The following GRM3 variants were observed in gnomAD, a reference collection of about 807,000 sequenced individuals.
The protein encoded by GRM3 is metabotropic glutamate receptor 3.
In GRM3, 26 loss-of-function variants were observed where a neutral mutation model predicts 70.5. That is an observed-to-expected ratio of 0.37 (90% CI 0.27 to 0.51). GRM3 has a LOEUF of 0.51. GRM3 is among the 20% of genes least tolerant of loss of function. The probability of loss-of-function intolerance (pLI) is 0.93; values close to 1 mark genes in which losing one functional copy is unlikely to be tolerated. For synonymous variants in GRM3, 443 were observed against 434.9 expected (o/e 1.02, Z -0.23); for missense variants, 859 against 1,123.8 (o/e 0.76, Z 3.37).
chr7:86,768,853 C>A (rs558929768), intron 2 of GRM3, among the ~76,000 whole-genome samples: 2 of 152,096 alleles, frequency 1.3e-5, no homozygotes, highest in Non-Finnish European at 2.9e-5. Context: ...TACACTGACC[C>A]CCATGCCCCC....
chr7:86,645,687 G>C lies in GRM3; in HGVS notation c.-141+815G>C, dbSNP rs182195311. Among the ~76,000 whole-genome samples, 287 of 151,984 alleles carry C rather than the reference G, an allele frequency of 1.9e-3. 3 individuals are homozygous for C. Among genetic ancestry groups the C allele is most frequent in the Non-Finnish European group, 3.4e-3 (233 of 67,964 alleles). ...ACTTTTAGGTAAATATATTAAGGAA[G>C]GATTCTCCCACTTTAAGTATTTTAG... On this transcript the variant is annotated intron_variant, in intron 1 of 5. Transcript: ENST00000361669.
intron 1 of GRM3, among the ~76,000 whole-genome samples, chr7:86,739,457 C>A (rs1201998210): frequency 6.6e-6 from 1 of 152,142 alleles, no homozygotes; most frequent in Non-Finnish European, 1.5e-5. Context: ...TCTTTCTGTG[C>A]CTGATTGATA....
intron 2 of GRM3, among the ~76,000 whole-genome samples, chr7:86,773,034 G>A (rs1238884479): frequency 6.6e-6 from 1 of 151,866 alleles, no homozygotes; most frequent in Non-Finnish European, 1.5e-5. Context: ...GGCCAAATAT[G>A]TAGGTTTGTT....
chr7:86,691,962 G>T (rs1349154280), intron 1 of GRM3, among the ~76,000 whole-genome samples: 2 of 152,140 alleles, frequency 1.3e-5, no homozygotes, highest in Non-Finnish European at 2.9e-5. Flanking sequence ...CAATAAAACT[G>T]TAATCTTCAG....
At chr7:86,779,283 C>T (rs967600842) in intron 2 of GRM3, among the ~76,000 whole-genome samples, 1 of 152,124 alleles carries the variant, frequency 6.6e-6, no homozygotes, top group Admixed American at 6.5e-5. Flanking sequence ...TGTGTCATCT[C>T]GTTTTAATAA....
rs540657052 is a variant in GRM3 at position 86,764,938 on chromosome 7, G to A, written c.-140-68G>A. 20 of 1,126,276 alleles carry A rather than the reference G, an allele frequency of 1.8e-5. No individual in the cohort carries two copies. The East Asian group carries it at 5.2e-4, about 29-fold the overall frequency. 69.8% of individuals were successfully genotyped at this position (1,126,276 alleles called of 1,614,324 possible). On this transcript the variant is annotated intron_variant, in intron 1 of 5. Transcript: ENST00000361669. ...GAGTCATCCCATTAAAGGTCTGATT[G>A]GGCATGATCGATGTAATCACTGTTG...
chr7:86,832,449 C>T (rs987742496), intron 3 of GRM3, among the ~76,000 whole-genome samples: 1 of 151,948 alleles, frequency 6.6e-6, no homozygotes, highest in African/African-American at 2.4e-5. Flanking sequence ...AGGGGCTTCA[C>T]CATTTTGTCC....
intron 1 of GRM3, among the ~76,000 whole-genome samples, chr7:86,702,599 A>G (rs1026987790): frequency 1.3e-5 from 2 of 152,008 alleles, no homozygotes; most frequent in Admixed American, 6.6e-5. Flanking sequence ...TCCAATTATG[A>G]TTCCATCATT....
intron 3 of GRM3, among the ~76,000 whole-genome samples, chr7:86,795,399 C>T (rs538605142): frequency 6.6e-5 from 10 of 151,900 alleles, no homozygotes; most frequent in South Asian, 2.1e-4. Context: ...CACCTATCAA[C>T]GCATCATCTA....
At chr7:86,754,062 G>A (rs141831173) in intron 1 of GRM3, among the ~76,000 whole-genome samples, 1 of 152,082 alleles carries the variant, frequency 6.6e-6, no homozygotes, top group African/African-American at 2.4e-5. Context: ...TTAAATGATA[G>A]GAGAGTTCCA....
At chr7:86,661,413 C>A (rs781692545) in intron 1 of GRM3, among the ~76,000 whole-genome samples, 15 of 151,796 alleles carry the variant, frequency 9.9e-5, no homozygotes, top group Non-Finnish European at 1.0e-4. Flanking sequence ...TATGTTGGGC[C>A]CTGCGGTAGG....
At chr7:86,647,176 G>A (rs955959902) in intron 1 of GRM3, among the ~76,000 whole-genome samples, 13 of 152,182 alleles carry the variant, frequency 8.5e-5, no homozygotes, top group African/African-American at 2.9e-4. Context: ...TATTTTGAAA[G>A]ATTCTCAGCA....
intron 1 of GRM3, among the ~76,000 whole-genome samples, chr7:86,732,445 T>C (rs76740851): frequency 0.017 from 2,567 of 152,220 alleles, 71 homozygotes; most frequent in African/African-American, 0.058. Context: ...AGTGTTCAAA[T>C]AGTATAGCAA....
intron 3 of GRM3, among the ~76,000 whole-genome samples, chr7:86,826,458 T>G (rs927774566): frequency 5.3e-5 from 8 of 152,084 alleles, no homozygotes; most frequent in African/African-American, 1.9e-4. Flanking sequence ...AAAATCTGTG[T>G]GTAATGGGCC....
chr7:86,725,829 G>A (rs560223383), intron 1 of GRM3, among the ~76,000 whole-genome samples: 26 of 152,068 alleles, frequency 1.7e-4, no homozygotes, highest in Non-Finnish European at 3.2e-4. Flanking sequence ...AGGGCCATCC[G>A]CCTGGTTATG....
At chr7:86,821,651 C>T (rs538207302) in intron 3 of GRM3, among the ~76,000 whole-genome samples, 1 of 152,090 alleles carries the variant, frequency 6.6e-6, no homozygotes, top group Admixed American at 6.6e-5. Context: ...TCAAGGAGCT[C>T]GCAGTCTAGA....
chr7:86,666,591 G>C (rs575943905), intron 1 of GRM3, among the ~76,000 whole-genome samples: 1 of 151,802 alleles, frequency 6.6e-6, no homozygotes, highest in Non-Finnish European at 1.5e-5. Context: ...TTGTTTATTT[G>C]TTTTCATTAT....
chr7:86,798,264 G>A (rs931370147), intron 3 of GRM3, among the ~76,000 whole-genome samples: 3 of 152,104 alleles, frequency 2.0e-5, no homozygotes, highest in Non-Finnish European at 4.4e-5. Context: ...CTGTGCACCT[G>A]GAAAAGCCGC....
rs893636008 is a variant in GRM3, at chr7:86,848,404, T to G, written c.2392-1966T>G. On this transcript the variant is annotated intron_variant, in intron 4 of 5. Coordinates refer to ENST00000361669, the MANE Select transcript of GRM3 (RefSeq NM_000840.3). ...AGTTGGACAGTTCTTTGTGGCTAGA[T>G]GACTTTATGATCTCTAAGTCCACAC... 2.6e-5 allele frequency among the ~76,000 whole-genome samples: 4 copies of G among 152,190 alleles called. No individual in the cohort carries two copies. The East Asian group carries it at 7.7e-4, about 29-fold the overall frequency.
Sources: gnomAD v4.1 joint callset for allele counts (sites outside exome capture counted in the v4.1 genomes callset) on GRCh38, gnomAD v4.1.1 for gene constraint, MANE v1.5 for transcripts, NCBI Gene and HGNC (gene_info 2026-07-23, HGNC 2026-07-21) for gene names.